PRKN: variants seen among roughly 807,000 people sequenced by gnomAD.
PRKN encodes the protein E3 ubiquitin-protein ligase parkin.
In PRKN, 56 loss-of-function variants were observed where a neutral mutation model predicts 59.5. That is an observed-to-expected ratio of 0.94 (90% CI 0.76 to 1.18). The LOEUF is 1.18. PRKN is among the 50% of genes most tolerant of loss of function. The probability of loss-of-function intolerance (pLI) is 0.00; values close to 1 mark genes in which losing one functional copy is unlikely to be tolerated. For synonymous variants in PRKN, 250 were observed against 222.1 expected, an observed-to-expected ratio of 1.13 and a Z score of -1.12; for missense variants, 657 against 596.4, an observed-to-expected ratio of 1.10 and a Z score of -1.06.
intron 2 of PRKN, among the ~76,000 whole-genome samples, chr6:162,442,981 T>C (rs1790130602): frequency 6.6e-6 from 1 of 152,156 alleles, no homozygotes; most frequent in African/African-American, 2.4e-5. Flanking sequence ...AAGATTCAAA[T>C]GGAATAAGTA....
At chr6:161,903,529 T>G (rs1778016403) in intron 6 of PRKN, among the ~76,000 whole-genome samples, 1 of 152,084 alleles carries the variant, frequency 6.6e-6, no homozygotes, top group Admixed American at 6.6e-5. Context: ...GGAGGAAAAT[T>G]GTTGTTTTTA....
chr6:162,504,788 C>A (rs929102962), intron 1 of PRKN, among the ~76,000 whole-genome samples: 2 of 151,954 alleles, frequency 1.3e-5, no homozygotes, highest in East Asian at 1.9e-4. Context: ...AAGAAGACAC[C>A]ACTGATAAAA....
At chr6:162,250,457 T>G (rs1264267331) in intron 3 of PRKN, among the ~76,000 whole-genome samples, 1 of 151,722 alleles carries the variant, frequency 6.6e-6, no homozygotes, top group East Asian at 1.9e-4. Flanking sequence ...AACTTTTCCT[T>G]TGATCCTTTG....
At chr6:162,210,537 T>A (rs1438037942) in intron 3 of PRKN, among the ~76,000 whole-genome samples, 2 of 152,198 alleles carry the variant, frequency 1.3e-5, no homozygotes, top group Admixed American at 1.3e-4. Flanking sequence ...ATCCACTGCA[T>A]TTTTGTAAAT....
intron 5 of PRKN, among the ~76,000 whole-genome samples, chr6:162,025,230 T>C (rs1178587656): frequency 5.3e-5 from 8 of 152,062 alleles, no homozygotes; most frequent in African/African-American, 1.7e-4. Flanking sequence ...GTCTCGATCT[T>C]CTGACCTTGT....
rs1327292578 is a variant in PRKN, at chr6:161,593,528, G to C, written c.872-24112C>G. On this transcript the variant is annotated intron_variant, in intron 7 of 11. Coordinates refer to ENST00000366898, the MANE Select transcript of PRKN (RefSeq NM_004562.3). This position sits in a 1 kb window ranked among gnomAD's most constrained non-coding sequence, Gnocchi z 4.8. ...CCTGTGGTCAGCAGTGCAGCGGTCAGGTGGGAGGTGATGGCACCTGGGGGC... is the reference window on the plus strand; with the variant it reads ...CCTGTGGTCAGCAGTGCAGCGGTCACGTGGGAGGTGATGGCACCTGGGGGC... Among the ~76,000 whole-genome samples the C allele has an allele frequency of 1.3e-5, 2 of 152,162 alleles. No homozygotes were observed. The highest frequency in any genetic ancestry group is 2.9e-5 in the Non-Finnish European group (2 of 68,018).
chr6:161,855,126 T>C (rs1793600050), intron 6 of PRKN, among the ~76,000 whole-genome samples: 1 of 147,846 alleles, frequency 6.8e-6, no homozygotes, highest in African/African-American at 2.5e-5. Flanking sequence ...AGAAAAGTGG[T>C]TCTCACAATG....
chr6:161,823,334 T>G (rs1311831170), intron 6 of PRKN, among the ~76,000 whole-genome samples: 1 of 152,174 alleles, frequency 6.6e-6, no homozygotes, highest in Non-Finnish European at 1.5e-5. Flanking sequence ...CATTCATTCA[T>G]CTATTCATAA....
chr6:161,804,599 A>T (rs1791230610), intron 6 of PRKN, among the ~76,000 whole-genome samples: 1 of 152,222 alleles, frequency 6.6e-6, no homozygotes, highest in South Asian at 2.1e-4. Context: ...TATTGAAGAG[A>T]TTTGGAGACA....
At chr6:162,508,622 A>AC (rs2128189734) in intron 1 of PRKN, among the ~76,000 whole-genome samples, 1 of 152,206 alleles carries the variant, frequency 6.6e-6, no homozygotes, top group South Asian at 2.1e-4. Flanking sequence ...CTCTCTAAAG[A>AC]CCCAGTGTTT....
intron 7 of PRKN, among the ~76,000 whole-genome samples, chr6:161,646,593 G>A (rs893259587): frequency 1.3e-5 from 2 of 151,282 alleles, no homozygotes; most frequent in African/African-American, 4.8e-5. Flanking sequence ...GTGCGTGCGT[G>A]GCGGAGGAGG....
chr6:161,977,314 CT>C (rs1781068800), intron 5 of PRKN, among the ~76,000 whole-genome samples: 1 of 152,132 alleles, frequency 6.6e-6, no homozygotes, highest in African/African-American at 2.4e-5. Flanking sequence ...CTCCACACGT[CT>C]CTCTCAGGGT....
At chr6:162,271,016 GTTTTTTTTTTTT>G (rs61368267) in intron 2 of PRKN, among the ~76,000 whole-genome samples, 2 of 108,242 alleles carry the variant, frequency 1.8e-5, no homozygotes, top group Middle Eastern at 6.9e-3. Flanking sequence ...TAATTTTCTA[GTTTTTTTTTTTT>G]TTTTTTTTTG....
chr6:161,921,148 A>G (rs1778772020), intron 6 of PRKN, among the ~76,000 whole-genome samples: 1 of 152,074 alleles, frequency 6.6e-6, no homozygotes, highest in Non-Finnish European at 1.5e-5. Flanking sequence ...TTCTGTTTCT[A>G]AATTTGTAAA....
intron 1 of PRKN, among the ~76,000 whole-genome samples, chr6:162,693,007 G>A (rs993122291): frequency 2.6e-5 from 4 of 152,036 alleles, no homozygotes; most frequent in Non-Finnish European, 4.4e-5. Context: ...CCAGATTTCA[G>A]CAGAAATAAA....
intron 4 of PRKN, among the ~76,000 whole-genome samples, chr6:162,151,425 G>A (rs545178270): frequency 1.3e-5 from 2 of 152,218 alleles, no homozygotes; most frequent in East Asian, 1.9e-4. Flanking sequence ...TTGCAGCTTC[G>A]CAATTCTTCA....
At chr6:162,314,328 T>A (rs936291742) in intron 2 of PRKN, among the ~76,000 whole-genome samples, 16 of 152,190 alleles carry the variant, frequency 1.1e-4, no homozygotes, top group African/African-American at 3.6e-4. Context: ...AGAGGCCAGC[T>A]GGTGCAGTAA....
intron 2 of PRKN, among the ~76,000 whole-genome samples, chr6:162,341,264 C>T (rs1425921087): frequency 6.6e-6 from 1 of 152,110 alleles, no homozygotes; most frequent in Non-Finnish European, 1.5e-5. Flanking sequence ...ACAACAGATG[C>T]TGCAGAGGAT....
At chr6:161,807,117 G>A (rs1474778223) in intron 6 of PRKN, among the ~76,000 whole-genome samples, 1 of 152,202 alleles carries the variant, frequency 6.6e-6, no homozygotes, top group East Asian at 1.9e-4. Flanking sequence ...TTAGGTTTAT[G>A]TTTAATTAGC....
Sources: gnomAD v4.1 joint callset for allele counts (sites outside exome capture counted in the v4.1 genomes callset) on GRCh38, gnomAD v4.1.1 for gene constraint, Gnocchi (gnomAD v3.1) non-coding constraint, MANE v1.5 for transcripts, NCBI Gene and HGNC (gene_info 2026-07-23, HGNC 2026-07-21) for gene names.